The following MGAM2 variants were observed in gnomAD, a reference collection of about 807,000 sequenced individuals.
MGAM2 encodes the protein maltase-glucoamylase 2 (putative).
Under a neutral mutation model 96.1 loss-of-function variants are expected in MGAM2, and 98 were observed. That is an observed-to-expected ratio of 1.02 (90% CI 0.87 to 1.21). MGAM2 has a LOEUF of 1.21. Ranked by LOEUF, MGAM2 falls within the 50% of genes most tolerant of loss-of-function variation. MGAM2 has a pLI of 0.00. For synonymous variants in MGAM2, 749 were observed against 414.8 expected (o/e 1.81, Z -9.79); for missense variants, 2,055 against 1,182.4 (o/e 1.74, Z -10.82).
At chr7:142,158,823 G>A (rs984473416) in intron 19 of MGAM2, among the ~76,000 whole-genome samples, 1 of 152,168 alleles carries the variant, frequency 6.6e-6, no homozygotes, top group African/African-American at 2.4e-5. Context: ...GGGGTAAGTG[G>A]CAAAGTGTGG....
chr7:142,165,060 A>C, intron 24 of MGAM2, 37 bp downstream of exon 24: 1 of 653,190 alleles, frequency 1.5e-6, no homozygotes, highest in Non-Finnish European at 2.8e-6. Flanking sequence ...CCCTTTCCAG[A>C]GGCCTTGGCT....
At chr7:142,185,519 A>T (rs954864388) in intron 34 of MGAM2, among the ~76,000 whole-genome samples, 4 of 152,194 alleles carry the variant, frequency 2.6e-5, no homozygotes, top group African/African-American at 9.6e-5. Context: ...AGTCAGCTGA[A>T]TGAAGGAAAG....
Position 142,172,210 on chromosome 7 carries a change from A to T in MGAM2, c.3448+16A>T. The T allele has an allele frequency of 1.4e-6, 1 of 704,582 alleles. No homozygotes were observed. Among genetic ancestry groups the T allele is most frequent in the Non-Finnish European group, 2.6e-6 (1 of 385,660 alleles). The allele number at this position is 704,582 out of a possible 1,614,324, so 43.6% of individuals were successfully genotyped here. On this transcript the variant is annotated intron_variant, in intron 29 of 47. Transcript: ENST00000477922. ...AATGCCATGGGTAAGGCATAGGCAC[A>T]GCTCCCATGCACCACCAGAAACAGC... is the stretch of plus-strand genomic sequence containing the variant.
Position 142,127,288 on chromosome 7 carries a change from A to G in MGAM2, c.187-3660A>G, listed in dbSNP as rs150291165. 8.0e-3 allele frequency among the ~76,000 whole-genome samples: 1,205 copies of G among 151,314 alleles called. 23 individuals carry two copies. Among genetic ancestry groups the G allele is most frequent in the African/African-American group, 0.027 (1,132 of 41,204 alleles). On this transcript the variant is annotated intron_variant, in intron 3 of 47. Coordinates refer to ENST00000477922, the MANE Select transcript of MGAM2 (RefSeq NM_001293626.2). ...TTTGTCTTCTCCTTTCTCTTTCTGG[A>G]GTCTTCTTAGTTGAGTGCTGCTATC...
At position 142,220,267 on chromosome 7, in the gene MGAM2, A is replaced by G. The variant is rs1032314885; in HGVS notation, c.5756A>G (p.Asn1919Ser). The G allele has an allele frequency of 2.8e-6, 2 of 702,476 alleles. No individual in the cohort carries two copies. Among genetic ancestry groups the G allele is most frequent in the African/African-American group, 3.5e-5 (2 of 57,146 alleles). 43.5% of individuals were successfully genotyped at this position (702,476 alleles called of 1,614,324 possible). A position where few individuals can be genotyped will look rare whatever the true frequency, so the allele number is the denominator to read the frequency against. ...IGVTTNATVPNTTAPFPTNAS... is the reference protein window; with the variant it reads ...IGVTTNATVPSTTAPFPTNAS... ...GTTACAACTAATGCTACTGTTCCCA[A>G]TACAACTGCCCCTTTCCCAACAAAT... is the stretch of plus-strand genomic sequence containing the variant. Residue 1919 changes from asparagine (N) to serine (S), a missense_variant, in exon 48 of 48, where the codon AAT (asparagine) becomes AGT (serine). Coordinates refer to ENST00000477922, the MANE Select transcript of MGAM2 (RefSeq NM_001293626.2).
rs932478639 is a variant in MGAM2, at chr7:142,220,596, A to C, written c.6085A>C (p.Thr2029Pro). The C allele has an allele frequency of 1.4e-6, 1 of 698,406 alleles. No homozygotes were observed. The highest frequency in any genetic ancestry group is 1.7e-5 in the African/African-American group (1 of 57,204). The allele number at this position is 698,406 out of a possible 1,614,324, so 43.3% of individuals were successfully genotyped here. A position where few individuals can be genotyped will look rare whatever the true frequency, so the allele number is the denominator to read the frequency against. ...CACAACCACACTTTTTGCAACAAGT[A>C]CTATTGGTGTTACAACTGGTACTAC... is the stretch of plus-strand genomic sequence containing the variant. ...PITTTLFATS[T>P]IGVTTGTTVP... Residue 2029 changes from threonine (T) to proline (P), a missense_variant, in exon 48 of 48, where the codon ACT becomes CCT. By Grantham distance (38) the Thr-to-Pro change is conservative. Coordinates refer to ENST00000477922, the MANE Select transcript of MGAM2 (RefSeq NM_001293626.2).
intron 10 of MGAM2, 91 bp downstream of exon 10, chr7:142,138,758 A>G: frequency 1.6e-6 from 1 of 628,454 alleles, no homozygotes; most frequent in Non-Finnish European, 2.9e-6. Flanking sequence ...AAATGTAGAT[A>G]AATCATTAGA....
At chr7:142,140,750 C>T (rs1020297060) in intron 10 of MGAM2, 52 bp from the exon 11 acceptor site, 1 of 652,226 alleles carries the variant, frequency 1.5e-6, no homozygotes, top group Admixed American at 2.5e-5. Flanking sequence ...TAATACTTTC[C>T]ATCAGCACAG....
intron 33 of MGAM2, among the ~76,000 whole-genome samples, chr7:142,183,950 C>CT (rs748299647): frequency 0.021 from 946 of 46,114 alleles, 315 homozygotes; most frequent in Non-Finnish European, 0.036. Context: ...TTCCAGGCTC[C>CT]TTTTTTTTTT....
At chr7:142,138,123 T>C (rs138637033) in intron 9 of MGAM2, among the ~76,000 whole-genome samples, 1 of 152,328 alleles carries the variant, frequency 6.6e-6, no homozygotes, top group Non-Finnish European at 1.5e-5. Context: ...TCCATTCTTA[T>C]TCCTTTACCC....
chr7:142,219,927 A>C lies in MGAM2; in HGVS notation c.5416A>C (p.Thr1806Pro). Residue 1806 changes from threonine to proline, a missense_variant, in exon 48 of 48, where the codon ACT becomes CCT. Thr to Pro is a conservative substitution (Grantham distance 38). Coordinates refer to ENST00000477922, the MANE Select transcript of MGAM2 (RefSeq NM_001293626.2). ...CAACCTGGAAAAGTTAACTGAGGTT[A>C]CTTGGATTGATGGTGGTCCTGTACT... ...TINLEKLTEV[T>P]WIDGGPVLPT... is the part of the protein sequence containing the mutation. The C allele has an allele frequency of 1.4e-6, 1 of 702,814 alleles. No individual in the cohort carries two copies. 43.5% of individuals were successfully genotyped at this position (702,814 alleles called of 1,614,324 possible).
At chr7:142,185,532 G>A (rs536230934) in intron 34 of MGAM2, among the ~76,000 whole-genome samples, 1 of 152,216 alleles carries the variant, frequency 6.6e-6, no homozygotes, top group South Asian at 2.1e-4. Flanking sequence ...AAGGAAAGTT[G>A]TTAATCTCAG....
intron 15 of MGAM2, among the ~76,000 whole-genome samples, chr7:142,150,215 G>T (rs1292515549): frequency 2.0e-5 from 3 of 151,588 alleles, no homozygotes; most frequent in Non-Finnish European, 4.4e-5. Context: ...TGCTGGAATT[G>T]CAGGCATGAG....
At chr7:142,178,108 A>G (rs1265835456) in intron 32 of MGAM2, among the ~76,000 whole-genome samples, 1 of 152,102 alleles carries the variant, frequency 6.6e-6, no homozygotes, top group Non-Finnish European at 1.5e-5. Context: ...GCATTTCTCT[A>G]TTAGTTATGC....
At chr7:142,118,483 C>G (rs1236172762) in intron 2 of MGAM2, among the ~76,000 whole-genome samples, 1 of 152,096 alleles carries the variant, frequency 6.6e-6, no homozygotes, top group Admixed American at 6.5e-5. Context: ...CCTGCTAATA[C>G]CCACGGTAAC....
In MGAM2 at chr7:142,220,227, A is replaced by G; in HGVS notation, c.5716A>G (p.Thr1906Ala). The G allele has an allele frequency of 1.4e-6, 1 of 702,672 alleles. No homozygotes were observed. Among genetic ancestry groups the G allele is most frequent in the Non-Finnish European group, 2.6e-6 (1 of 384,906 alleles). 43.5% of individuals were successfully genotyped at this position (702,672 alleles called of 1,614,324 possible). Residue 1906 changes from threonine to alanine, a missense_variant, in exon 48 of 48, where the codon ACA becomes GCA. Coordinates refer to ENST00000477922, the MANE Select transcript of MGAM2 (RefSeq NM_001293626.2). Reference protein sequence around the residue: ...TVPITTTPFPTSTIGVTTNAT... With the variant: ...TVPITTTPFPASTIGVTTNAT... ...TCCTATCACAACCACACCTTTCCCA[A>G]CAAGTACTATTGGTGTTACAACTAA...
At position 142,187,845 on chromosome 7, in the gene MGAM2, T is replaced by C; in HGVS notation, c.4207+11T>C. On this transcript the variant is annotated intron_variant, in intron 36 of 47. Transcript: ENST00000477922. ...CACCCTATATGCCATGTATGTAAAATAATTACTTCATCAACTTACTTTCCT... is the reference window on the plus strand; with the variant it reads ...CACCCTATATGCCATGTATGTAAAACAATTACTTCATCAACTTACTTTCCT... The C allele has an allele frequency of 1.4e-6, 1 of 700,582 alleles. No homozygotes were observed. The highest frequency in any genetic ancestry group is 1.5e-5 in the South Asian group (1 of 67,334). 43.4% of individuals were successfully genotyped at this position (700,582 alleles called of 1,614,324 possible).
chr7:142,128,868 A>G (rs1161441907), intron 3 of MGAM2, among the ~76,000 whole-genome samples: 1 of 152,106 alleles, frequency 6.6e-6, no homozygotes, highest in East Asian at 1.9e-4. Context: ...GCCCCAACAA[A>G]AAGTCCCCAC....
At chr7:142,208,550 T>A (rs1210583542) in intron 45 of MGAM2, 23 bp from the exon 46 acceptor site, 1 of 702,222 alleles carries the variant, frequency 1.4e-6, no homozygotes, top group African/African-American at 1.7e-5. Context: ...AGTTGCTTAT[T>A]CTTTTCTTTT....
Sources: gnomAD v4.1 joint callset for allele counts (sites outside exome capture counted in the v4.1 genomes callset) on GRCh38, gnomAD v4.1.1 for gene constraint, MANE v1.5 for transcripts, NCBI Gene and HGNC (gene_info 2026-07-23, HGNC 2026-07-21) for gene names.